ABTB3: variants seen among roughly 807,000 people sequenced by gnomAD.
ABTB3 encodes the protein ankyrin repeat- and BTB/POZ domain-containing protein 3.
the ABTB3 span, chr12:107,635,078 A>T: frequency 1.4e-5 from 6 of 425,540 alleles, no homozygotes; most frequent in Non-Finnish European, 2.1e-5. Flanking sequence ...CAGTGAACCC[A>T]CTAGAAATAG....
At chr12:107,580,898 A>G in the ABTB3 span, 1 of 1,551,216 alleles carries the variant, frequency 6.4e-7, no homozygotes, top group Non-Finnish European at 8.7e-7. Context: ...CATTATCCCC[A>G]GGCTACAGAT....
chr12:107,362,779 C>T, the ABTB3 span, among the ~76,000 whole-genome samples: 10 of 150,664 alleles, frequency 6.6e-5, no homozygotes. Context: ...GGTGACAGAA[C>T]AAACCCTGTC....
chr12:107,360,657 T>C, the ABTB3 span, among the ~76,000 whole-genome samples: 1 of 152,306 alleles, frequency 6.6e-6, no homozygotes, highest in East Asian at 1.9e-4. Context: ...ATTTACCTAA[T>C]GGCTCTGTTT....
At chr12:107,415,302 G>A in the ABTB3 span, among the ~76,000 whole-genome samples, 18 of 152,182 alleles carry the variant, frequency 1.2e-4, no homozygotes, top group East Asian at 2.5e-3. Context: ...TTTGAGTAGC[G>A]CTTCCCACTG....
At chr12:107,627,653 T>C in the ABTB3 span, among the ~76,000 whole-genome samples, 1 of 152,156 alleles carries the variant, frequency 6.6e-6, no homozygotes, top group South Asian at 2.1e-4. Flanking sequence ...CATGGTGACT[T>C]CTTTTGGTGG....
chr12:107,553,964 A>G, the ABTB3 span, among the ~76,000 whole-genome samples: 1 of 152,158 alleles, frequency 6.6e-6, no homozygotes, highest in Admixed American at 6.5e-5. Flanking sequence ...AGAGGAATTC[A>G]GAAGACTCAG....
At chr12:107,495,228 C>T in the ABTB3 span, among the ~76,000 whole-genome samples, 6 of 152,188 alleles carry the variant, frequency 3.9e-5, no homozygotes, top group South Asian at 2.1e-4. Flanking sequence ...GCCTTAGCAT[C>T]GTCTCCTGCC....
At chr12:107,611,547 G>A in the ABTB3 span, among the ~76,000 whole-genome samples, 9 of 152,300 alleles carry the variant, frequency 5.9e-5, no homozygotes, top group South Asian at 1.2e-3. Context: ...CTGACCAGGC[G>A]TCAATTGTTG....
At chr12:107,546,320 G>T in the ABTB3 span, among the ~76,000 whole-genome samples, 10 of 152,062 alleles carry the variant, frequency 6.6e-5, no homozygotes, top group Non-Finnish European at 1.5e-4. Flanking sequence ...CAAAACTAAA[G>T]CCATCATCTC....
the ABTB3 span, among the ~76,000 whole-genome samples, chr12:107,342,616 T>C: frequency 6.6e-6 from 1 of 152,084 alleles, no homozygotes; most frequent in Non-Finnish European, 1.5e-5. Context: ...GACTGCAGGG[T>C]CAAGTCCAAG....
the ABTB3 span, among the ~76,000 whole-genome samples, chr12:107,385,103 G>A: frequency 3.5e-4 from 53 of 152,312 alleles, no homozygotes; most frequent in East Asian, 8.9e-3. Context: ...AAATAAGCCC[G>A]ATCTAGCTTT....
the ABTB3 span, among the ~76,000 whole-genome samples, chr12:107,497,694 G>A: frequency 1.3e-5 from 2 of 152,276 alleles, no homozygotes; most frequent in Admixed American, 1.3e-4. Flanking sequence ...ATCATTCTCT[G>A]TCCTGGGAGG....
chr12:107,551,430 T>C, the ABTB3 span, among the ~76,000 whole-genome samples: 1 of 152,342 alleles, frequency 6.6e-6, no homozygotes, highest in African/African-American at 2.4e-5. Context: ...TGTGGCAATT[T>C]ATTTCCTCTG....
the ABTB3 span, among the ~76,000 whole-genome samples, chr12:107,569,342 C>G: frequency 6.6e-6 from 1 of 152,120 alleles, no homozygotes; most frequent in Admixed American, 6.5e-5. Context: ...AGGATAAAGA[C>G]TTTGAGATGT....
the ABTB3 span, among the ~76,000 whole-genome samples, chr12:107,656,298 C>CA: frequency 0.24 from 34,151 of 141,124 alleles, 5,172 homozygotes; most frequent in African/African-American, 0.44. Flanking sequence ...GAGGCTCTGT[C>CA]AAAAAAAAAA....
At chr12:107,524,002 T>C in the ABTB3 span, among the ~76,000 whole-genome samples, 1 of 152,238 alleles carries the variant, frequency 6.6e-6, no homozygotes, top group Non-Finnish European at 1.5e-5. Context: ...GGGCCCTGCG[T>C]AATTCTGGTG....
At chr12:107,633,421 A>G in the ABTB3 span, among the ~76,000 whole-genome samples, 1 of 152,200 alleles carries the variant, frequency 6.6e-6, no homozygotes, top group East Asian at 1.9e-4. Context: ...GGACTAAAGC[A>G]CTAACCTTAA....
At chr12:107,483,333 C>T in the ABTB3 span, among the ~76,000 whole-genome samples, 12 of 152,244 alleles carry the variant, frequency 7.9e-5, no homozygotes, top group Admixed American at 2.0e-4. Context: ...CATGAGCCAC[C>T]GTGCCCAGCC....
chr12:107,499,816 G>T, the ABTB3 span, among the ~76,000 whole-genome samples: 1 of 151,934 alleles, frequency 6.6e-6, no homozygotes, highest in African/African-American at 2.4e-5. Context: ...CACCCAAGTA[G>T]CTGGGACTAC....
Sources: gnomAD v4.1 joint callset for allele counts (sites outside exome capture counted in the v4.1 genomes callset) on GRCh38, gnomAD v4.1.1 for gene constraint, MANE v1.5 for transcripts, NCBI Gene and HGNC (gene_info 2026-07-23, HGNC 2026-07-21) for gene names.